The following IMPG1 variants were observed in gnomAD, a reference collection of about 807,000 sequenced individuals.
IMPG1 encodes the protein interphotoreceptor matrix proteoglycan of 150 kDa.
Under a neutral mutation model 92.0 loss-of-function variants are expected in IMPG1, and 85 were observed. That is an observed-to-expected ratio of 0.92 (90% CI 0.78 to 1.11). The LOEUF (loss-of-function observed/expected upper bound fraction) is 1.11. Among genes scored for constraint, IMPG1 ranks in the 50% least tolerant of loss-of-function variants. The probability of loss-of-function intolerance (pLI) is 0.00; values close to 1 mark genes in which losing one functional copy is unlikely to be tolerated. For synonymous variants in IMPG1, 367 were observed against 334.1 expected (o/e 1.10, Z -1.08); for missense variants, 1,022 against 956.0 (o/e 1.07, Z -0.91).
intron 3 of IMPG1, 64 bp downstream of exon 3, chr6:76,034,557 A>AGG (rs1783702833): frequency 1.9e-6 from 3 of 1,548,282 alleles, no homozygotes; most frequent in Middle Eastern, 1.9e-4. Flanking sequence ...CAAAAGGCCT[A>AGG]GGGGCTGGAG....
intron 6 of IMPG1, among the ~76,000 whole-genome samples, chr6:76,019,263 C>T (rs1311871996): frequency 6.6e-6 from 1 of 152,162 alleles, no homozygotes; most frequent in African/African-American, 2.4e-5. Flanking sequence ...TCTCATTGCT[C>T]TGAATTCATA....
intron 1 of IMPG1, among the ~76,000 whole-genome samples, chr6:76,058,772 T>C (rs530024428): frequency 6.6e-6 from 1 of 152,278 alleles, no homozygotes; most frequent in East Asian, 1.9e-4. Flanking sequence ...CTAGCTAACT[T>C]TATAGTGCAG....
intron 9 of IMPG1, 149 bp from the exon 10 acceptor site, chr6:76,005,683 C>T: frequency 4.1e-6 from 3 of 725,392 alleles, no homozygotes; most frequent in South Asian, 2.0e-5. Context: ...AACATTTCAA[C>T]ATTTATCAGA....
chr6:76,009,542 G>A lies in IMPG1; in HGVS notation c.866+1624C>T, dbSNP rs147549179. ...TATTAATGGTTACAATTTTGCCACT[G>A]TCATGAGCACATTATTTATTGTATT... is the stretch of plus-strand genomic sequence containing the variant. On this transcript the variant is annotated intron_variant, in intron 8 of 16. Transcript: ENST00000369950. 7.4e-3 allele frequency among the ~76,000 whole-genome samples: 1,125 copies of A among 152,262 alleles called. 11 individuals are homozygous for A. Among genetic ancestry groups the A allele is most frequent in the African/African-American group, 0.025 (1,031 of 41,556 alleles).
intron 12 of IMPG1, among the ~76,000 whole-genome samples, chr6:75,989,084 T>G (rs1310955304): frequency 1.3e-5 from 2 of 152,242 alleles, no homozygotes; most frequent in Admixed American, 6.5e-5. Flanking sequence ...GTAACATTTC[T>G]GGCATTTTGT....
At chr6:75,977,590 A>G (rs557222947) in intron 12 of IMPG1, among the ~76,000 whole-genome samples, 1,503 of 146,274 alleles carry the variant, frequency 0.01, 25 homozygotes, top group African/African-American at 0.038. Context: ...TCTGCCTCAA[A>G]AAAAAAAAAA....
intron 4 of IMPG1, among the ~76,000 whole-genome samples, chr6:76,029,629 G>A (rs1783619858): frequency 6.6e-6 from 1 of 152,202 alleles, no homozygotes; most frequent in Admixed American, 6.5e-5. Context: ...GATGGGTAAT[G>A]TAGAAATCTG....
rs368210308 is a variant in IMPG1 at position 76,041,872 on chromosome 6, C to T, written c.301+21G>A. 83 of 1,477,150 alleles carry T rather than the reference C, an allele frequency of 5.6e-5. No individual in the cohort carries two copies. In the South Asian group the frequency reaches 6.1e-4, roughly 11 times the overall value. 91.5% of individuals were successfully genotyped at this position (1,477,150 alleles called of 1,614,324 possible). A position where few individuals can be genotyped will look rare whatever the true frequency, so the allele number is the denominator to read the frequency against. Reference sequence around the variant, plus strand: ...GGGATGGAAATAACACAAGGCTAAACGGTTTCATCTCTTTCCTTACCTCTC... The same window carrying T: ...GGGATGGAAATAACACAAGGCTAAATGGTTTCATCTCTTTCCTTACCTCTC... On this transcript the variant is annotated intron_variant, in intron 2 of 16. Transcript: ENST00000369950.
At chr6:76,019,827 C>G (rs1582108803) in intron 6 of IMPG1, among the ~76,000 whole-genome samples, 1 of 152,026 alleles carries the variant, frequency 6.6e-6, no homozygotes, top group East Asian at 1.9e-4. Context: ...ATTTAAATGA[C>G]TGTGAAATGA....
intron 1 of IMPG1, among the ~76,000 whole-genome samples, chr6:76,062,414 T>C (rs6901472): frequency 0.023 from 3,559 of 152,320 alleles, 161 homozygotes; most frequent in African/African-American, 0.082. Context: ...AGAACATTTA[T>C]ATGACATAAT....
At chr6:75,990,911 A>T (rs997574732) in intron 12 of IMPG1, among the ~76,000 whole-genome samples, 2 of 152,172 alleles carry the variant, frequency 1.3e-5, no homozygotes, top group African/African-American at 4.8e-5. Context: ...AGGACTTCGA[A>T]GATGTCACTT....
intron 4 of IMPG1, among the ~76,000 whole-genome samples, chr6:76,029,063 A>G (rs777548756): frequency 1.3e-5 from 2 of 152,240 alleles, no homozygotes; most frequent in Admixed American, 1.3e-4. Context: ...TAAGGAGTCA[A>G]TCTCAACTTA....
chr6:76,053,010 G>T (rs1387488518), intron 1 of IMPG1, among the ~76,000 whole-genome samples: 1 of 152,080 alleles, frequency 6.6e-6, no homozygotes, highest in African/African-American at 2.4e-5. Flanking sequence ...CCATCATCCT[G>T]CTGCCATCTC....
At chr6:76,021,297 A>G (rs1333227889) in intron 6 of IMPG1, among the ~76,000 whole-genome samples, 1 of 152,162 alleles carries the variant, frequency 6.6e-6, no homozygotes, top group African/African-American at 2.4e-5. Context: ...AAACCAATGT[A>G]CTTCTGAAAT....
intron 6 of IMPG1, among the ~76,000 whole-genome samples, chr6:76,020,993 A>T (rs759516227): frequency 1.3e-5 from 2 of 152,220 alleles, no homozygotes; most frequent in African/African-American, 2.4e-5. Flanking sequence ...CTCTATTAAC[A>T]TAGCTAGATC....
intron 4 of IMPG1, among the ~76,000 whole-genome samples, chr6:76,031,979 A>G (rs1166348815): frequency 1.3e-5 from 2 of 152,208 alleles, no homozygotes; most frequent in Admixed American, 1.3e-4. Context: ...TTTTATTTCA[A>G]AGTCATTTGA....
chr6:76,070,673 T>C (rs1784390550), intron 1 of IMPG1, among the ~76,000 whole-genome samples: 2 of 152,118 alleles, frequency 1.3e-5, no homozygotes, highest in African/African-American at 4.8e-5. Context: ...GCAACCTGGA[T>C]GGAACTGGAG....
In IMPG1 at chr6:75,950,911, A is replaced by C. The variant is rs747615571; in HGVS notation, c.1475T>G (p.Leu492Arg). The C allele has an allele frequency of 2.5e-6, 4 of 1,614,008 alleles. No individual in the cohort carries two copies. Among genetic ancestry groups the C allele is most frequent in the South Asian group, 1.1e-5 (1 of 91,076 alleles). ...AGGTGGATGTGAAATTCCCAGAGCC[A>C]GTTGGCTGATTGCAGAATAATCACT... ...PTSDYSAISQ[L>R]ALGISHPPAS... Residue 492 changes from leucine (L) to arginine (R), a missense_variant, in exon 13 of 17, where the codon CTG becomes CGG. Physicochemically the swap from Leu to Arg is moderately radical, Grantham distance 102 (BLOSUM62 -2). This residue lies in a region of IMPG1 where 681 missense variants were observed against 583.6 expected (regional missense o/e 1.17). Transcript: ENST00000369950.
At chr6:76,038,970 C>T (rs936107669) in intron 2 of IMPG1, among the ~76,000 whole-genome samples, 6 of 152,212 alleles carry the variant, frequency 3.9e-5, no homozygotes, top group Admixed American at 6.5e-5. Context: ...GTTGTGCACA[C>T]ATTAGAGGGT....
Sources: allele counts gnomAD v4.1 joint callset (sites outside exome capture counted in the v4.1 genomes callset), GRCh38; gene constraint gnomAD v4.1.1; regional missense constraint gnomAD v4.1.1; transcripts MANE v1.5; gene names NCBI Gene and HGNC (gene_info 2026-07-23, HGNC 2026-07-21).